Variants in MPPED1 observed in about 807,000 individuals in gnomAD.
MPPED1 encodes the protein metallophosphoesterase domain containing 1.
A neutral mutation model predicts 36.2 loss-of-function variants in MPPED1; 16 were observed. That is an observed-to-expected ratio of 0.44 (90% confidence interval 0.30 to 0.67). The LOEUF (loss-of-function observed/expected upper bound fraction) is 0.67, where lower values mean the gene tolerates loss of function less well. Ranked by LOEUF, MPPED1 falls within the 30% of genes least tolerant of loss-of-function variation. The pLI, the probability that MPPED1 is intolerant of heterozygous loss-of-function variation, is 0.10. For synonymous variants in MPPED1, 199 were observed against 191.3 expected (o/e 1.04, Z -0.33); for missense variants, 307 against 453.4 (o/e 0.68, Z 2.93).
At chr22:43,493,991 CT>C (rs1932179915) in intron 4 of MPPED1, among the ~76,000 whole-genome samples, 1 of 152,116 alleles carries the variant, frequency 6.6e-6, no homozygotes, top group Non-Finnish European at 1.5e-5. Context: ...AGATTGGTTC[CT>C]TTTGGGGGGC....
chr22:43,470,588 C>T (rs897419682), intron 3 of MPPED1, among the ~76,000 whole-genome samples: 1 of 152,224 alleles, frequency 6.6e-6, no homozygotes, highest in Non-Finnish European at 1.5e-5. Flanking sequence ...ATTTATCCAT[C>T]CATGCATCCA....
chr22:43,507,844 G>A lies in MPPED1; in HGVS notation c.*2228G>A, dbSNP rs1255270375. 1 of 141,304 alleles carries A rather than the reference G, an allele frequency of 7.1e-6. No individual in the cohort carries two copies. Among genetic ancestry groups the A allele is most frequent in the African/African-American group, 2.7e-5 (1 of 37,532 alleles). The allele number at this position is 141,304 out of a possible 1,614,324, so 8.8% of individuals were successfully genotyped here. ...TCAGACAATAAAGTCTTTGTAAAAA[G>A]AGAAGTCCACGCGGCACCTCTTCCT... On this transcript the variant is annotated 3_prime_UTR_variant, in exon 7 of 7. Coordinates refer to ENST00000443721, the MANE Select transcript of MPPED1 (RefSeq NM_001044370.2).
chr22:43,427,838 C>T (rs776809988), intron 2 of MPPED1, among the ~76,000 whole-genome samples: 1 of 152,132 alleles, frequency 6.6e-6, no homozygotes, highest in Non-Finnish European at 1.5e-5. Context: ...ATGCGCTCTG[C>T]ATAGCTCGGA....
chr22:43,436,026 C>T (rs1929946469), intron 3 of MPPED1, among the ~76,000 whole-genome samples: 1 of 152,210 alleles, frequency 6.6e-6, no homozygotes, highest in Non-Finnish European at 1.5e-5. Context: ...AGCTGCTGGT[C>T]TCGGCAGCAG....
chr22:43,421,419 G>A (rs2146815195), intron 1 of MPPED1, among the ~76,000 whole-genome samples: 1 of 152,372 alleles, frequency 6.6e-6, no homozygotes, highest in South Asian at 2.1e-4. Flanking sequence ...TTTCCCGGCT[G>A]AGTCCCTTTG....
intron 3 of MPPED1, among the ~76,000 whole-genome samples, chr22:43,473,335 G>A (rs1931439665): frequency 6.6e-6 from 1 of 152,200 alleles, no homozygotes; most frequent in Non-Finnish European, 1.5e-5. Flanking sequence ...AGCAGATGAA[G>A]GTCATGGTCT....
At chr22:43,499,614 ATGG>A (rs1308716662) in intron 5 of MPPED1, among the ~76,000 whole-genome samples, 1 of 8,552 alleles carries the variant, frequency 1.2e-4, no homozygotes, top group Non-Finnish European at 2.0e-4. Flanking sequence ...GGTGGTGGTG[ATGG>A]TGGTGGTGAT....
chr22:43,423,037 A>G (rs907837952), intron 1 of MPPED1, among the ~76,000 whole-genome samples: 11 of 151,936 alleles, frequency 7.2e-5, no homozygotes, highest in Non-Finnish European at 1.5e-4. Flanking sequence ...GGGTTTCACT[A>G]TGTTGGCCAG....
chr22:43,500,989 C>T (rs986389123), intron 5 of MPPED1, among the ~76,000 whole-genome samples: 2 of 152,108 alleles, frequency 1.3e-5, no homozygotes, highest in Middle Eastern at 3.2e-3. Context: ...TTGAGTGTCA[C>T]TGGCTCACAC....
At chr22:43,420,467 C>T (rs774608426) in intron 1 of MPPED1, among the ~76,000 whole-genome samples, 33 of 151,806 alleles carry the variant, frequency 2.2e-4, no homozygotes, top group South Asian at 4.2e-4. Context: ...TGCAGTGGCA[C>T]GATCTCGGCT....
At chr22:43,494,037 C>A (rs1286624914) in intron 4 of MPPED1, among the ~76,000 whole-genome samples, 1 of 152,108 alleles carries the variant, frequency 6.6e-6, no homozygotes, top group Non-Finnish European at 1.5e-5. Context: ...ACTCTTCTAG[C>A]TGCTGCTTTA....
intron 1 of MPPED1, chr22:43,417,869 A>C (rs1397149355): frequency 2.8e-6 from 1 of 362,692 alleles, no homozygotes; most frequent in Non-Finnish European, 5.4e-6. Flanking sequence ...AAAGGCCCCA[A>C]GAGGAGACGG....
chr22:43,493,062 C>G (rs1932152708), intron 4 of MPPED1, among the ~76,000 whole-genome samples: 1 of 152,198 alleles, frequency 6.6e-6, no homozygotes, highest in South Asian at 2.1e-4. Flanking sequence ...AGGCCTTTGA[C>G]CCCAAATAAC....
At chr22:43,503,893 C>T (rs977715512) in intron 6 of MPPED1, among the ~76,000 whole-genome samples, 1 of 152,162 alleles carries the variant, frequency 6.6e-6, no homozygotes, top group African/African-American at 2.4e-5. Flanking sequence ...CTAACCACTC[C>T]CTTCCTCCCC....
At chr22:43,489,014 T>G (rs1227279571) in intron 4 of MPPED1, among the ~76,000 whole-genome samples, 1 of 152,142 alleles carries the variant, frequency 6.6e-6, no homozygotes, top group Non-Finnish European at 1.5e-5. Flanking sequence ...GTTGGCAGTG[T>G]GGGCAGTGAG....
chr22:43,488,351 T>C (rs1268975144), intron 4 of MPPED1, among the ~76,000 whole-genome samples: 4 of 152,184 alleles, frequency 2.6e-5, no homozygotes, highest in Non-Finnish European at 5.9e-5. Flanking sequence ...CCAGCAGCTG[T>C]GTACCCTACC....
In MPPED1 at chr22:43,502,385, C is replaced by T. The variant is rs994728596; in HGVS notation, c.749-259C>T. ...GAGCACCCCACCCCAAGTGCCTGGCCCATGCTGAGCTCTTTCAAGGAGGCC... is the reference window on the plus strand; with the variant it reads ...GAGCACCCCACCCCAAGTGCCTGGCTCATGCTGAGCTCTTTCAAGGAGGCC... On this transcript the variant is annotated intron_variant, in intron 5 of 6. Transcript: ENST00000443721. This position sits in a 1 kb window ranked among gnomAD's most constrained non-coding sequence, Gnocchi z 5.5. 6.6e-6 allele frequency among the ~76,000 whole-genome samples: 1 copy of T among 152,176 alleles called. No homozygotes were observed. The highest frequency in any genetic ancestry group is 6.5e-5 in the Admixed American group (1 of 15,286).
rs563098642 is a variant in MPPED1 at position 43,449,508 on chromosome 22, T to A, written c.406+14293T>A. On this transcript the variant is annotated intron_variant, in intron 3 of 6. Transcript: ENST00000443721. ...CACTCATCCCCTTATCCTATGGCCC[T>A]GAGTTCCAGATGTGGGCCCTGTGTG... Among the ~76,000 whole-genome samples the A allele has an allele frequency of 2.1e-5, 3 of 140,508 alleles. No homozygotes were observed. The South Asian group carries it at 6.9e-4, about 32-fold the overall frequency. The allele number at this position is 140,508 out of a possible 152,430, so 92.2% of individuals were successfully genotyped here.
chr22:43,498,436 A>G, intron 5 of MPPED1, 86 bp downstream of exon 5: 1 of 1,076,048 alleles, frequency 9.3e-7, no homozygotes, highest in Non-Finnish European at 1.3e-6. Flanking sequence ...GGGCCTGTAT[A>G]GGGGAGCCCT....
Sources: gnomAD v4.1 joint callset for allele counts (sites outside exome capture counted in the v4.1 genomes callset) on GRCh38, gnomAD v4.1.1 for gene constraint, Gnocchi (gnomAD v3.1) non-coding constraint, MANE v1.5 for transcripts, NCBI Gene and HGNC (gene_info 2026-07-23, HGNC 2026-07-21) for gene names.